THSD4: variants seen among roughly 807,000 people sequenced by gnomAD.
The protein encoded by THSD4 is thrombospondin type 1 domain containing 4.
In THSD4, 69 loss-of-function variants were observed where a neutral mutation model predicts 119.0. That is an observed-to-expected ratio of 0.58 (90% confidence interval 0.48 to 0.71). The LOEUF is 0.71. THSD4 is among the 30% of genes least tolerant of loss of function. The probability of loss-of-function intolerance (pLI) is 0.00; values close to 1 mark genes in which losing one functional copy is unlikely to be tolerated. For synonymous variants in THSD4, 524 were observed against 540.4 expected, an observed-to-expected ratio of 0.97 and a Z score of 0.42; for missense variants, 1,393 against 1,391.1, an observed-to-expected ratio of 1.00 and a Z score of -0.02.
intron 6 of THSD4, among the ~76,000 whole-genome samples, chr15:71,298,828 G>T (rs1301267463): frequency 6.6e-6 from 1 of 152,200 alleles, no homozygotes; most frequent in Non-Finnish European, 1.5e-5. Context: ...GCCCAGGCTG[G>T]TCTCGAACTC....
At chr15:71,313,299 C>T (rs1345312094) in intron 6 of THSD4, among the ~76,000 whole-genome samples, 1 of 152,134 alleles carries the variant, frequency 6.6e-6, no homozygotes, top group African/African-American at 2.4e-5. Flanking sequence ...TGCATGTGCT[C>T]ACATATGTGT....
chr15:71,750,060 C>A (rs187340965), intron 14 of THSD4, among the ~76,000 whole-genome samples: 247 of 152,232 alleles, frequency 1.6e-3, no homozygotes, highest in African/African-American at 5.5e-3. Context: ...TTCCCAGGGT[C>A]TCTGAGGCCA....
intron 8 of THSD4, among the ~76,000 whole-genome samples, chr15:71,695,967 TTG>T (rs1268928035): frequency 6.6e-6 from 1 of 152,196 alleles, no homozygotes; most frequent in African/African-American, 2.4e-5. Flanking sequence ...GGTAAAATGA[TTG>T]TGATAACTAA....
intron 7 of THSD4, among the ~76,000 whole-genome samples, chr15:71,637,937 G>T (rs957662671): frequency 6.6e-6 from 1 of 152,062 alleles, no homozygotes; most frequent in Non-Finnish European, 1.5e-5. Flanking sequence ...ATGTTGGCCA[G>T]GCTGGTCTCC....
At chr15:71,660,325 T>A in intron 7 of THSD4, 1 of 595,462 alleles carries the variant, frequency 1.7e-6, no homozygotes, top group Non-Finnish European at 3.0e-6. Flanking sequence ...CCAGTGTTAT[T>A]TTTCTCCTGA....
At position 71,754,873 on chromosome 15, in the gene THSD4, A is replaced by G. The variant is rs528848977; in HGVS notation, c.2416-3029A>G. 5.9e-5 allele frequency among the ~76,000 whole-genome samples: 9 copies of G among 152,348 alleles called. No individual in the cohort carries two copies. In the East Asian group the frequency reaches 1.3e-3, roughly 23 times the overall value. On this transcript the variant is annotated intron_variant, in intron 14 of 17. Transcript: ENST00000261862. The stretch of plus-strand genomic sequence containing the variant: ...CCATTTTAACAAAGGGTGATAAACT[A>G]TGGAGAAGTGATTAGACAAAGGAAA...
chr15:71,295,814 C>T (rs1261687936), intron 6 of THSD4, among the ~76,000 whole-genome samples: 1 of 152,158 alleles, frequency 6.6e-6, no homozygotes, highest in Non-Finnish European at 1.5e-5. Flanking sequence ...TATCCCCATC[C>T]ACTCCCACTC....
intron 1 of THSD4, among the ~76,000 whole-genome samples, chr15:71,127,973 TC>T (rs1462794390): frequency 2.6e-5 from 4 of 152,188 alleles, no homozygotes; most frequent in Admixed American, 6.5e-5. Flanking sequence ...AAAAAATTAT[TC>T]CAGGCCAGCG....
intron 7 of THSD4, among the ~76,000 whole-genome samples, chr15:71,579,810 T>A (rs1343318795): frequency 6.6e-6 from 1 of 152,146 alleles, no homozygotes; most frequent in Non-Finnish European, 1.5e-5. Context: ...ACCTAGCTGG[T>A]GACCAAACCT....
At chr15:71,155,373 T>C (rs903886146) in intron 3 of THSD4, among the ~76,000 whole-genome samples, 1 of 152,150 alleles carries the variant, frequency 6.6e-6, no homozygotes, top group Non-Finnish European at 1.5e-5. Context: ...TGTTAAACCA[T>C]GAGGAACTAT....
At chr15:71,617,925 C>T (rs12905774) in intron 7 of THSD4, among the ~76,000 whole-genome samples, 13,865 of 152,206 alleles carry the variant, frequency 0.091, 841 homozygotes, top group Middle Eastern at 0.15. Context: ...TTCTGTTTAT[C>T]TTTTTTCTCA....
intron 7 of THSD4, among the ~76,000 whole-genome samples, chr15:71,628,688 A>G (rs1224073213): frequency 6.6e-6 from 1 of 152,214 alleles, no homozygotes; most frequent in Non-Finnish European, 1.5e-5. Flanking sequence ...GGGTGTCAAT[A>G]CACTTTGAGA....
At chr15:71,141,291 A>G (rs2040601455) in intron 1 of THSD4, among the ~76,000 whole-genome samples, 158 bp from the exon 2 acceptor site, 1 of 152,350 alleles carries the variant, frequency 6.6e-6, no homozygotes. Flanking sequence ...TCATGTTCAT[A>G]AATAATCAGA....
chr15:71,210,113 C>T (rs1265034941), intron 3 of THSD4, among the ~76,000 whole-genome samples: 2 of 152,204 alleles, frequency 1.3e-5, no homozygotes, highest in Admixed American at 6.5e-5. Context: ...CTTCTGTTCA[C>T]ATGTACACAG....
intron 6 of THSD4, among the ~76,000 whole-genome samples, chr15:71,404,665 A>G (rs901417796): frequency 6.6e-6 from 1 of 152,164 alleles, no homozygotes; most frequent in Admixed American, 6.5e-5. Flanking sequence ...CATTAATGGG[A>G]TTAGTACCCT....
chr15:71,463,666 T>A (rs1296742140), intron 7 of THSD4, among the ~76,000 whole-genome samples: 1 of 152,204 alleles, frequency 6.6e-6, no homozygotes, highest in African/African-American at 2.4e-5. Flanking sequence ...AACTTCTAGG[T>A]TCACAAAGAT....
chr15:71,634,568 G>A (rs2050700856), intron 7 of THSD4, among the ~76,000 whole-genome samples: 1 of 152,216 alleles, frequency 6.6e-6, no homozygotes, highest in Admixed American at 6.5e-5. Flanking sequence ...TTTAGGAGAA[G>A]GGATCTTCCC....
intron 4 of THSD4, among the ~76,000 whole-genome samples, chr15:71,234,122 A>G (rs2044082883): frequency 2.0e-5 from 3 of 152,270 alleles, no homozygotes; most frequent in Middle Eastern, 3.4e-3. Flanking sequence ...ACCCACTCTC[A>G]GGTGGGCCCC....
At chr15:71,652,405 A>C (rs2051110143) in intron 7 of THSD4, among the ~76,000 whole-genome samples, 1 of 152,248 alleles carries the variant, frequency 6.6e-6, no homozygotes, top group African/African-American at 2.4e-5. Context: ...ATTCTATACA[A>C]AAATATGGTT....
Sources: allele counts gnomAD v4.1 joint callset (sites outside exome capture counted in the v4.1 genomes callset), GRCh38; gene constraint gnomAD v4.1.1; transcripts MANE v1.5; gene names NCBI Gene and HGNC (gene_info 2026-07-23, HGNC 2026-07-21).